MAML2: variants seen among roughly 807,000 people sequenced by gnomAD.
MAML2 encodes mastermind-like protein 2.
In MAML2, 22 loss-of-function variants were observed where a neutral mutation model predicts 96.1. The ratio of observed to expected loss-of-function variants is 0.23; its 90% CI spans 0.16 to 0.33. MAML2 has a LOEUF of 0.33. MAML2 is among the 10% of genes least tolerant of loss of function. The pLI, the probability that MAML2 is intolerant of heterozygous loss-of-function variation, is 1.00. For synonymous variants in MAML2, 561 were observed against 521.3 expected (o/e 1.08, Z -1.04); for missense variants, 1,367 against 1,392.4 (o/e 0.98, Z 0.29).
chr11:96,191,995 C>T (rs1861660453), intron 1 of MAML2, among the ~76,000 whole-genome samples: 1 of 152,132 alleles, frequency 6.6e-6, no homozygotes, highest in Admixed American at 6.5e-5. Context: ...GGAATTCCCG[C>T]AATGAACGCT....
At chr11:96,077,219 CTT>C (rs371672772) in intron 2 of MAML2, among the ~76,000 whole-genome samples, 9 of 94,118 alleles carry the variant, frequency 9.6e-5, no homozygotes, top group Admixed American at 5.4e-4. Context: ...CTCTCTCTCT[CTT>C]TTTTTTTTTT....
At chr11:96,200,838 A>G (rs1299970627) in intron 1 of MAML2, among the ~76,000 whole-genome samples, 1 of 152,206 alleles carries the variant, frequency 6.6e-6, no homozygotes, top group East Asian at 1.9e-4. Context: ...TCAGAGGGCA[A>G]TGGTACCATC....
At chr11:96,203,489 A>G (rs1258103124) in intron 1 of MAML2, among the ~76,000 whole-genome samples, 5 of 152,238 alleles carry the variant, frequency 3.3e-5, no homozygotes, top group Non-Finnish European at 7.3e-5. Context: ...AGCTGTATTC[A>G]TAATTAACAA....
intron 1 of MAML2, among the ~76,000 whole-genome samples, chr11:96,184,688 C>A (rs1328727130): frequency 1.3e-5 from 2 of 149,686 alleles, no homozygotes; most frequent in African/African-American, 4.9e-5. Context: ...CTCCCAGGTT[C>A]ACGCCATTCT....
At chr11:96,014,634 A>C (rs1858315305) in intron 2 of MAML2, among the ~76,000 whole-genome samples, 1 of 152,240 alleles carries the variant, frequency 6.6e-6, no homozygotes. Context: ...CTCTGCAGTT[A>C]GGGTACGTCA....
Position 95,991,732 on chromosome 11 carries a change from G to A in MAML2, c.2140-9C>T, listed in dbSNP as rs566883488. The A allele has an allele frequency of 2.7e-5, 44 of 1,609,912 alleles. 1 individual carries two copies. The South Asian group carries it at 4.5e-4, about 17-fold the overall frequency. On this transcript the variant is annotated splice_polypyrimidine_tract_variant and intron_variant, in intron 2 of 4. Coordinates refer to ENST00000524717, the MANE Select transcript of MAML2 (RefSeq NM_032427.4). Reference sequence around the variant, plus strand: ...ACCACAGAGTGTTGATCCTAAAGAAGAGAAAGGGGGAAGGAAAAGCTACTG... The same window carrying A: ...ACCACAGAGTGTTGATCCTAAAGAAAAGAAAGGGGGAAGGAAAAGCTACTG...
chr11:96,330,743 T>G (rs1863842041), intron 1 of MAML2, among the ~76,000 whole-genome samples: 1 of 152,180 alleles, frequency 6.6e-6, no homozygotes, highest in Non-Finnish European at 1.5e-5. Flanking sequence ...ATCTCCCAAT[T>G]AGCTAGACTG....
intron 1 of MAML2, among the ~76,000 whole-genome samples, chr11:96,165,837 G>A (rs989362499): frequency 2.0e-5 from 3 of 151,974 alleles, no homozygotes; most frequent in African/African-American, 4.8e-5. Context: ...TCACATTGTC[G>A]CTTTTATTTG....
At chr11:96,288,913 T>G (rs1488117537) in intron 1 of MAML2, among the ~76,000 whole-genome samples, 1 of 152,188 alleles carries the variant, frequency 6.6e-6, no homozygotes, top group Non-Finnish European at 1.5e-5. Flanking sequence ...AGCCAGCACA[T>G]GTTGAATTTT....
chr11:96,217,052 G>A (rs1862060776), intron 1 of MAML2, among the ~76,000 whole-genome samples: 2 of 152,330 alleles, frequency 1.3e-5, no homozygotes, highest in South Asian at 2.1e-4. Flanking sequence ...GATGTGGAAT[G>A]AAGAAGCAGA....
chr11:96,083,667 A>G (rs1859562315), intron 2 of MAML2, among the ~76,000 whole-genome samples: 1 of 152,226 alleles, frequency 6.6e-6, no homozygotes, highest in Non-Finnish European at 1.5e-5. Flanking sequence ...CCAGAACAGA[A>G]GAAAGGACGA....
At chr11:96,174,962 A>G (rs900827784) in intron 1 of MAML2, among the ~76,000 whole-genome samples, 1 of 152,186 alleles carries the variant, frequency 6.6e-6, no homozygotes, top group African/African-American at 2.4e-5. Context: ...TTGTTTTATA[A>G]TCGCCATTCA....
At chr11:96,252,885 C>T (rs369060055) in intron 1 of MAML2, among the ~76,000 whole-genome samples, 22 of 152,276 alleles carry the variant, frequency 1.4e-4, no homozygotes, top group African/African-American at 4.1e-4. Context: ...ATTTTCCTGA[C>T]GAAGAACTGC....
chr11:96,141,359 T>C (rs1860727525), intron 1 of MAML2, among the ~76,000 whole-genome samples: 1 of 152,208 alleles, frequency 6.6e-6, no homozygotes, highest in Non-Finnish European at 1.5e-5. Context: ...ACCAGGACCC[T>C]TGACATCTCC....
At chr11:96,081,090 G>A (rs1859522502) in intron 2 of MAML2, among the ~76,000 whole-genome samples, 1 of 152,280 alleles carries the variant, frequency 6.6e-6, no homozygotes, top group East Asian at 1.9e-4. Context: ...GTTCTGGGAG[G>A]TGCCTTAGGA....
intron 1 of MAML2, among the ~76,000 whole-genome samples, chr11:96,245,152 A>G (rs1038177064): frequency 1.3e-5 from 2 of 152,138 alleles, no homozygotes; most frequent in Non-Finnish European, 2.9e-5. Flanking sequence ...TGAATTTTCC[A>G]AATAATTTGC....
chr11:96,134,959 T>C (rs1860604589), intron 1 of MAML2, among the ~76,000 whole-genome samples: 1 of 152,230 alleles, frequency 6.6e-6, no homozygotes, highest in African/African-American at 2.4e-5. Context: ...GGGATGATAA[T>C]AACAGTGGAC....
At chr11:96,155,081 C>T (rs1860989316) in intron 1 of MAML2, among the ~76,000 whole-genome samples, 1 of 152,178 alleles carries the variant, frequency 6.6e-6, no homozygotes, top group South Asian at 2.1e-4. Context: ...CTCCTAGATG[C>T]CTATGACTGG....
chr11:96,134,425 C>G (rs1451030123), intron 1 of MAML2, among the ~76,000 whole-genome samples: 2 of 152,206 alleles, frequency 1.3e-5, no homozygotes, highest in Non-Finnish European at 2.9e-5. Context: ...TCAAATGTCT[C>G]TGATTCTAGT....
Sources: allele counts gnomAD v4.1 joint callset (sites outside exome capture counted in the v4.1 genomes callset), GRCh38; gene constraint gnomAD v4.1.1; transcripts MANE v1.5; gene names NCBI Gene and HGNC (gene_info 2026-07-23, HGNC 2026-07-21).